BICD1: variants seen among roughly 807,000 people sequenced by gnomAD.
BICD1 encodes protein bicaudal D homolog 1.
Under a neutral mutation model 92.5 loss-of-function variants are expected in BICD1, and 35 were observed. The ratio of observed to expected loss-of-function variants is 0.38; its 90% CI spans 0.29 to 0.50. BICD1 has a LOEUF of 0.50. Among genes scored for constraint, BICD1 ranks in the 20% least tolerant of loss-of-function variants. The pLI is 0.93. For synonymous variants in BICD1, 429 were observed against 465.1 expected, an observed-to-expected ratio of 0.92 and a Z score of 1.00; for missense variants, 950 against 1,189.8, an observed-to-expected ratio of 0.80 and a Z score of 2.97.
Position 32,204,242 on chromosome 12 carries a change from T to C in BICD1, c.214-12005T>C, listed in dbSNP as rs548810815. ...GCAGACATCTGTGGTCCCAGCTACT[T>C]GGGAGGCTGAGGTGGGAAGATTGCC... is the stretch of plus-strand genomic sequence containing the variant. On this transcript the variant is annotated intron_variant, in intron 1 of 9. Coordinates refer to ENST00000652176, the MANE Select transcript of BICD1 (RefSeq NM_001714.4). Among the ~76,000 whole-genome samples, 238 of 150,420 alleles carry C rather than the reference T, an allele frequency of 1.6e-3. 1 individual carries two copies. The highest frequency in any genetic ancestry group is 5.6e-3 in the African/African-American group (230 of 40,866).
intron 9 of BICD1, among the ~76,000 whole-genome samples, chr12:32,374,426 T>C (rs973820269): frequency 6.6e-6 from 1 of 151,970 alleles, no homozygotes; most frequent in South Asian, 2.1e-4. Context: ...AAGTCATGCA[T>C]ATTTGCAGAA....
At position 32,339,197 on chromosome 12, in the gene BICD1, G is replaced by A; in HGVS notation, c.2764+218G>A. ...AGACTTCCATTTAACAGCCAAAGAT[G>A]GCAAATGAGAGTTGGAAGGAATGGG... On this transcript the variant is annotated intron_variant, in intron 8 of 9. Coordinates refer to ENST00000652176, the MANE Select transcript of BICD1 (RefSeq NM_001714.4). 3 of 1,276,494 alleles carry A rather than the reference G, an allele frequency of 2.4e-6. No homozygotes were observed. In the South Asian group the frequency reaches 7.5e-5, roughly 32 times the overall value. The allele number at this position is 1,276,494 out of a possible 1,614,324, so 79.1% of individuals were successfully genotyped here. A position where few individuals can be genotyped will look rare whatever the true frequency, so the allele number is the denominator to read the frequency against.
intron 1 of BICD1, among the ~76,000 whole-genome samples, chr12:32,147,382 C>T (rs1039240651): frequency 1.3e-5 from 2 of 152,154 alleles, no homozygotes; most frequent in African/African-American, 4.8e-5. Context: ...ACTGAAAGGT[C>T]GTTCAGGTGG....
chr12:32,342,204 G>GTATATATATATATATA (rs3075972), intron 8 of BICD1, among the ~76,000 whole-genome samples: 4 of 119,312 alleles, frequency 3.4e-5, no homozygotes, highest in South Asian at 2.8e-4. Flanking sequence ...GTGTGTGTGT[G>GTATATATATATATATA]TATATATATA....
intron 1 of BICD1, among the ~76,000 whole-genome samples, chr12:32,117,787 G>A (rs1047146984): frequency 1.9e-4 from 25 of 130,762 alleles, no homozygotes; most frequent in African/African-American, 6.7e-4. Flanking sequence ...TTTCGCTCTC[G>A]TTGTCCAGGC....
Position 32,230,394 on chromosome 12 carries a change from T to C in BICD1, c.426+13935T>C, listed in dbSNP as rs1654346619. ...CAGTCTAGGCAACAGAATGAGACCC[T>C]GTCTCAAATAAATAAATAAATAAAT... is the stretch of plus-strand genomic sequence containing the variant. On this transcript the variant is annotated intron_variant, in intron 2 of 9. Transcript: ENST00000652176. 2.0e-5 allele frequency among the ~76,000 whole-genome samples: 3 copies of C among 147,830 alleles called. No individual in the cohort carries two copies. In the Admixed American group the frequency reaches 2.1e-4, roughly 10 times the overall value.
chr12:32,293,684 T>C (rs866642502), intron 2 of BICD1, among the ~76,000 whole-genome samples: 5 of 152,176 alleles, frequency 3.3e-5, no homozygotes, highest in Admixed American at 6.5e-5. Flanking sequence ...TGCATGATAA[T>C]GTGTTCCCCA....
chr12:32,226,523 T>A (rs572713506), intron 2 of BICD1, among the ~76,000 whole-genome samples: 12 of 152,308 alleles, frequency 7.9e-5, no homozygotes, highest in Admixed American at 2.0e-4. Flanking sequence ...TCACACTTAG[T>A]CTGGGAAAAA....
In BICD1 at chr12:32,337,907, G is replaced by T; in HGVS notation, c.2570+91G>T. 6.8e-7 allele frequency: 1 copy of T among 1,460,170 alleles called. No homozygotes were observed. 90.5% of individuals were successfully genotyped at this position (1,460,170 alleles called of 1,614,324 possible). On this transcript the variant is annotated intron_variant, in intron 7 of 9. Coordinates refer to ENST00000652176, the MANE Select transcript of BICD1 (RefSeq NM_001714.4). This position sits in a 1 kb window ranked among gnomAD's most constrained non-coding sequence, Gnocchi z 4.7. ...TGTGCTCTTGTTGTGGAGGATGGAGGAGGGGAAGCAAAAGAAAAAATGGGA... is the reference window on the plus strand; with the variant it reads ...TGTGCTCTTGTTGTGGAGGATGGAGTAGGGGAAGCAAAAGAAAAAATGGGA...
At chr12:32,122,508 TAAC>T (rs1390888310) in intron 1 of BICD1, among the ~76,000 whole-genome samples, 6 of 148,906 alleles carry the variant, frequency 4.0e-5, no homozygotes, top group African/African-American at 1.2e-4. Flanking sequence ...AAAAAACAAA[TAAC>T]AAAAAAAGAA....
At chr12:32,171,483 C>G (rs1375798662) in intron 1 of BICD1, among the ~76,000 whole-genome samples, 1 of 152,254 alleles carries the variant, frequency 6.6e-6, no homozygotes, top group African/African-American at 2.4e-5. Context: ...CACTTCAAGT[C>G]TGCAGACACA....
rs1592370431 is a variant in BICD1, at chr12:32,144,874, T to C, written c.213+37330T>C. On this transcript the variant is annotated intron_variant, in intron 1 of 9. Coordinates refer to ENST00000652176, the MANE Select transcript of BICD1 (RefSeq NM_001714.4). The stretch of plus-strand genomic sequence containing the variant: ...TTATCTGTCACCTCAGAGCTCAGAG[T>C]GCCCCTCTTTTCTATTCAAATACAA... Among the ~76,000 whole-genome samples the C allele has an allele frequency of 3.3e-5, 5 of 152,316 alleles. 1 individual carries two copies. Among genetic ancestry groups the C allele is most frequent in the Admixed American group, 1.3e-4 (2 of 15,296 alleles).
At chr12:32,181,529 T>C (rs1944273406) in intron 1 of BICD1, among the ~76,000 whole-genome samples, 1 of 151,974 alleles carries the variant, frequency 6.6e-6, no homozygotes, top group African/African-American at 2.4e-5. Context: ...TGATTTTTTT[T>C]CTCTAACATT....
chr12:32,198,330 C>CTATCTATCTA (rs1555145675), intron 1 of BICD1, among the ~76,000 whole-genome samples: 3 of 117,778 alleles, frequency 2.5e-5, no homozygotes, highest in African/African-American at 9.7e-5. Flanking sequence ...ATGCATCTAT[C>CTATCTATCTA]TATATATATA....
chr12:32,295,082 G>GA (rs10647988), intron 3 of BICD1, among the ~76,000 whole-genome samples: 39,737 of 103,058 alleles, frequency 0.39, 7,383 homozygotes, highest in Non-Finnish European at 0.45. Context: ...ATTCCGTCTC[G>GA]AAAAAAAAAA....
chr12:32,372,075 A>G (rs1939761507), intron 9 of BICD1, among the ~76,000 whole-genome samples: 2 of 152,234 alleles, frequency 1.3e-5, no homozygotes, highest in South Asian at 4.1e-4. Flanking sequence ...ATCACCCACC[A>G]TGATTCCTTT....
intron 1 of BICD1, among the ~76,000 whole-genome samples, chr12:32,113,097 A>G (rs1210480606): frequency 6.6e-6 from 1 of 152,194 alleles, no homozygotes; most frequent in Non-Finnish European, 1.5e-5. Flanking sequence ...TATCTCTGCC[A>G]AGTCTACAAG....
intron 1 of BICD1, among the ~76,000 whole-genome samples, chr12:32,165,716 C>T (rs1474096746): frequency 6.6e-6 from 1 of 151,140 alleles, no homozygotes. Context: ...TGAGTTGATG[C>T]TCTGTCAAAA....
In BICD1 at chr12:32,252,048, TA is replaced by T. The variant is rs1283056500; in HGVS notation, c.426+35592del. ...ATATATTTATAATATATATTTATAA[TA>T]AATATTATATATTATATATTTATAA... On this transcript the variant is annotated intron_variant, in intron 2 of 9. Transcript: ENST00000652176. Among the ~76,000 whole-genome samples, 3 of 120,718 alleles carry T rather than the reference TA, an allele frequency of 2.5e-5. No homozygotes were observed. The Admixed American group carries it at 3.2e-4, about 13-fold the overall frequency. 79.2% of individuals were successfully genotyped at this position (120,718 alleles called of 152,430 possible).
Sources: gnomAD v4.1 joint callset for allele counts (sites outside exome capture counted in the v4.1 genomes callset) on GRCh38, gnomAD v4.1.1 for gene constraint, Gnocchi (gnomAD v3.1) non-coding constraint, MANE v1.5 for transcripts, NCBI Gene and HGNC (gene_info 2026-07-23, HGNC 2026-07-21) for gene names.